TMEM135: variants seen among roughly 807,000 people sequenced by gnomAD.
TMEM135 encodes peroxisomal membrane protein 52.
In TMEM135, 30 loss-of-function variants were observed where a neutral mutation model predicts 60.3. The observed-to-expected ratio is 0.50, with a 90% confidence interval of 0.37 to 0.68. The LOEUF is 0.68. Ranked by LOEUF, TMEM135 falls within the 30% of genes least tolerant of loss-of-function variation. TMEM135 has a pLI of 0.00. For missense variants in TMEM135, 468 were observed against 548.8 expected (o/e 0.85, Z 1.47); for synonymous variants, 190 against 186.7 (o/e 1.02, Z -0.14).
At chr11:87,134,018 A>AT (rs34749280) in intron 4 of TMEM135, among the ~76,000 whole-genome samples, 13 of 149,692 alleles carry the variant, frequency 8.7e-5, no homozygotes, top group South Asian at 2.1e-4. Context: ...ATATGCTTTC[A>AT]TTTTTTTTTT....
chr11:87,270,823 A>G (rs937287244), intron 6 of TMEM135, among the ~76,000 whole-genome samples: 1 of 152,148 alleles, frequency 6.6e-6, no homozygotes, highest in Non-Finnish European at 1.5e-5. Flanking sequence ...GGACTTATCA[A>G]ACTTTTCCTC....
chr11:87,133,179 T>A (rs1441006472), intron 4 of TMEM135, among the ~76,000 whole-genome samples: 1 of 152,216 alleles, frequency 6.6e-6, no homozygotes, highest in Admixed American at 6.5e-5. Flanking sequence ...ATTATTTATT[T>A]CTGGAATATT....
intron 4 of TMEM135, among the ~76,000 whole-genome samples, chr11:87,105,286 T>C (rs1180436114): frequency 6.6e-6 from 1 of 152,180 alleles, no homozygotes. Context: ...GCGAGCATTA[T>C]TGCTTGAGCT....
intron 6 of TMEM135, among the ~76,000 whole-genome samples, chr11:87,246,816 A>T (rs1211755524): frequency 8.7e-6 from 1 of 115,126 alleles, no homozygotes; most frequent in Non-Finnish European, 1.9e-5. Flanking sequence ...TGTAGCTCAG[A>T]GTAGTTTGAT....
chr11:87,242,101 G>A (rs1169588200), intron 6 of TMEM135, among the ~76,000 whole-genome samples: 1 of 151,192 alleles, frequency 6.6e-6, no homozygotes, highest in East Asian at 2.0e-4. Flanking sequence ...AACATGCGGT[G>A]TTTGGTTTTT....
chr11:87,091,686 CTG>C lies in TMEM135; in HGVS notation c.396+293_396+294del, dbSNP rs575069156. On this transcript the variant is annotated intron_variant, in intron 4 of 14. Coordinates refer to ENST00000305494, the MANE Select transcript of TMEM135 (RefSeq NM_022918.4). ...AGGCTGTACTTGTATGTGTATATATCTGTCTCTTTATATCTCTTTATATATCT... is the reference window on the plus strand; with the variant it reads ...AGGCTGTACTTGTATGTGTATATATCTCTCTTTATATCTCTTTATATATCT... Among the ~76,000 whole-genome samples the C allele has an allele frequency of 2.6e-5, 4 of 152,126 alleles. No individual in the cohort carries two copies. The East Asian group carries it at 7.7e-4, about 29-fold the overall frequency.
At chr11:87,222,783 C>T (rs1940668323) in intron 5 of TMEM135, among the ~76,000 whole-genome samples, 1 of 147,160 alleles carries the variant, frequency 6.8e-6, no homozygotes, top group Non-Finnish European at 1.5e-5. Flanking sequence ...CCAGCCTGGG[C>T]AATAAGAGCG....
At chr11:87,220,995 T>A (rs2135353843) in intron 5 of TMEM135, among the ~76,000 whole-genome samples, 1 of 152,302 alleles carries the variant, frequency 6.6e-6, no homozygotes, top group South Asian at 2.1e-4. Context: ...ACCTCGTTGC[T>A]ATGCTATTGC....
chr11:87,159,231 G>C (rs1938793712), intron 5 of TMEM135, among the ~76,000 whole-genome samples: 1 of 152,110 alleles, frequency 6.6e-6, no homozygotes, highest in African/African-American at 2.4e-5. Context: ...TTTCTATAAT[G>C]AGGTTAAAAG....
intron 5 of TMEM135, among the ~76,000 whole-genome samples, chr11:87,208,858 A>G (rs550063215): frequency 6.6e-6 from 1 of 152,332 alleles, no homozygotes; most frequent in South Asian, 2.1e-4. Flanking sequence ...TCAGGCTAAC[A>G]GTGGACCTTT....
intron 4 of TMEM135, among the ~76,000 whole-genome samples, chr11:87,133,361 T>C (rs1937992395): frequency 6.6e-6 from 1 of 152,048 alleles, no homozygotes; most frequent in African/African-American, 2.4e-5. Context: ...TAAAACATCA[T>C]CCCCAAAATT....
rs113045924 is a variant in TMEM135, at chr11:87,065,163, G to C, written c.142-2531G>C. ...ACCTGCTATAAACATTCCTTCACAG[G>C]TTTTTGTATAAGCATATGTTTTTAT... On this transcript the variant is annotated intron_variant, in intron 1 of 14. Coordinates refer to ENST00000305494, the MANE Select transcript of TMEM135 (RefSeq NM_022918.4). Among the ~76,000 whole-genome samples, 83 of 152,188 alleles carry C rather than the reference G, an allele frequency of 5.5e-4. 2 individuals are homozygous for C. Among genetic ancestry groups the C allele is most frequent in the African/African-American group, 1.9e-3 (79 of 41,516 alleles).
intron 1 of TMEM135, among the ~76,000 whole-genome samples, chr11:87,040,725 A>G (rs111822350): frequency 6.6e-6 from 1 of 151,656 alleles, no homozygotes; most frequent in Admixed American, 6.6e-5. Context: ...TTTACCAGCT[A>G]TTTGACTTTG....
At chr11:87,056,690 T>C (rs1051032758) in intron 1 of TMEM135, among the ~76,000 whole-genome samples, 1 of 152,198 alleles carries the variant, frequency 6.6e-6, no homozygotes, top group African/African-American at 2.4e-5. Context: ...TTTAGTCAAG[T>C]AGTTACTGTT....
At chr11:87,318,339 A>G in intron 13 of TMEM135, 104 bp downstream of exon 13, 1 of 863,626 alleles carries the variant, frequency 1.2e-6, no homozygotes, top group Admixed American at 2.1e-5. Context: ...TATTTACAGT[A>G]TTACATTTTA....
chr11:87,303,647 G>A (rs1407883692), intron 8 of TMEM135, among the ~76,000 whole-genome samples: 1 of 152,104 alleles, frequency 6.6e-6, no homozygotes, highest in Non-Finnish European at 1.5e-5. Context: ...CACAGGGAGC[G>A]TACTCAAATT....
chr11:87,047,074 T>G (rs1949802800), intron 1 of TMEM135, among the ~76,000 whole-genome samples: 1 of 152,214 alleles, frequency 6.6e-6, no homozygotes, highest in Non-Finnish European at 1.5e-5. Flanking sequence ...CAATACAATG[T>G]GAAATCCTCA....
intron 4 of TMEM135, among the ~76,000 whole-genome samples, chr11:87,105,469 A>G (rs1424013967): frequency 1.3e-5 from 2 of 152,206 alleles, no homozygotes; most frequent in African/African-American, 4.8e-5. Context: ...TCCATGGAAA[A>G]TTGTCTTTCA....
At position 87,037,945 on chromosome 11, in the gene TMEM135, C is replaced by T. The variant is rs749915932; in HGVS notation, c.-101C>T. The T allele has an allele frequency of 1.3e-6, 2 of 1,569,270 alleles. No homozygotes were observed. The highest frequency in any genetic ancestry group is 2.2e-5 in the East Asian group (1 of 44,628). On this transcript the variant is annotated 5_prime_UTR_variant, in exon 1 of 15. Transcript: ENST00000305494. ...GACCTTTCCCCTCCATTCCGCACCT[C>T]CGAGTGCTGGCCGGGCGAGAGGCTG...
Sources: gnomAD v4.1 joint callset for allele counts (sites outside exome capture counted in the v4.1 genomes callset) on GRCh38, gnomAD v4.1.1 for gene constraint, MANE v1.5 for transcripts, NCBI Gene and HGNC (gene_info 2026-07-23, HGNC 2026-07-21) for gene names.